The following CCDC148 variants were observed in gnomAD, a reference collection of about 807,000 sequenced individuals.
CCDC148 encodes the protein coiled-coil domain containing 148, also known as coiled-coil domain-containing protein 148.
Under a neutral mutation model 85.7 loss-of-function variants are expected in CCDC148, and 89 were observed. The observed-to-expected ratio is 1.04, with a 90% CI of 0.87 to 1.24. CCDC148 has a LOEUF of 1.24. Ranked by LOEUF, CCDC148 falls within the 50% of genes most tolerant of loss-of-function variation. The pLI is 0.00. For missense variants in CCDC148, 692 were observed against 671.7 expected (o/e 1.03, Z -0.33); for synonymous variants, 230 against 213.9 (o/e 1.08, Z -0.66).
At position 158,456,750 on chromosome 2, in the gene CCDC148, C is replaced by G; in HGVS notation, c.-311G>C. 2.7e-6 allele frequency: 1 copy of G among 363,778 alleles called. No homozygotes were observed. The highest frequency in any genetic ancestry group is 5.0e-6 in the Non-Finnish European group (1 of 199,002). The allele number at this position is 363,778 out of a possible 1,614,324, so 22.5% of individuals were successfully genotyped here. A position where few individuals can be genotyped will look rare whatever the true frequency, so the allele number is the denominator to read the frequency against. On this transcript the variant is annotated 5_prime_UTR_variant, in exon 1 of 14. Coordinates refer to ENST00000283233, the MANE Select transcript of CCDC148 (RefSeq NM_138803.4). ...CTCTCGCGCTGAACAGCATCGGTCT[C>G]TATGGCGACCTGAAACCGCAGCTCC...
chr2:158,286,393 A>G (rs753625188), intron 9 of CCDC148, among the ~76,000 whole-genome samples: 8 of 152,344 alleles, frequency 5.3e-5, no homozygotes, highest in African/African-American at 1.9e-4. Context: ...GTAAGTGAAA[A>G]TGTATACAAT....
intron 1 of CCDC148, among the ~76,000 whole-genome samples, chr2:158,358,788 C>A (rs925568718): frequency 6.6e-6 from 1 of 151,912 alleles, no homozygotes; most frequent in African/African-American, 2.4e-5. Context: ...AGCATTACTT[C>A]TGAAAGGGTA....
At chr2:158,236,468 T>C (rs1486627311) in intron 10 of CCDC148, among the ~76,000 whole-genome samples, 2 of 152,202 alleles carry the variant, frequency 1.3e-5, no homozygotes, top group Non-Finnish European at 2.9e-5. Context: ...TTGCCTGTAA[T>C]CCTGTTTAAT....
chr2:158,301,559 G>A (rs750845567), intron 9 of CCDC148, among the ~76,000 whole-genome samples: 1 of 152,208 alleles, frequency 6.6e-6, no homozygotes, highest in Non-Finnish European at 1.5e-5. Context: ...TCACGAGGAG[G>A]CTTAGTGGCC....
chr2:158,353,011 C>A, intron 2 of CCDC148, among the ~76,000 whole-genome samples: 1 of 151,398 alleles, frequency 6.6e-6, no homozygotes, highest in South Asian at 2.1e-4. Flanking sequence ...AAATACTTTA[C>A]AGACAAGCAA....
intron 1 of CCDC148, among the ~76,000 whole-genome samples, chr2:158,428,512 T>C (rs1400668463): frequency 2.6e-5 from 4 of 151,710 alleles, no homozygotes; most frequent in Non-Finnish European, 4.4e-5. Context: ...CTTAGAGATG[T>C]CAAAGCAGGC....
At chr2:158,383,696 T>C (rs536804220) in intron 1 of CCDC148, among the ~76,000 whole-genome samples, 1 of 152,168 alleles carries the variant, frequency 6.6e-6, no homozygotes, top group African/African-American at 2.4e-5. Flanking sequence ...AGGAAAACTG[T>C]TGCCCTGATT....
Position 158,339,038 on chromosome 2 carries a change from C to G in CCDC148, c.534G>C (p.Arg178Ser). The change falls in exon 6 of 14, where the codon AGG becomes AGC. Residue 178 changes from arginine to serine, a missense_variant. Coordinates refer to ENST00000283233, the MANE Select transcript of CCDC148 (RefSeq NM_138803.4). ...KQLKTVFERL[R>S]LEQQRIENDL... ...CATTTTCTATTCTCTGTTGCTCCAGCCTAAGTCTTTCAAAGACAGTTTTCA... is the reference window on the plus strand; with the variant it reads ...CATTTTCTATTCTCTGTTGCTCCAGGCTAAGTCTTTCAAAGACAGTTTTCA... 6.2e-7 allele frequency: 1 copy of G among 1,613,896 alleles called. No individual in the cohort carries two copies. The highest frequency in any genetic ancestry group is 8.5e-7 in the Non-Finnish European group (1 of 1,179,876).
In CCDC148 at chr2:158,415,942, T is replaced by C. The variant is rs192935056; in HGVS notation, c.25+40473A>G. On this transcript the variant is annotated intron_variant, in intron 1 of 13. Coordinates refer to ENST00000283233, the MANE Select transcript of CCDC148 (RefSeq NM_138803.4). ...ACACTGTCCTAGTGGAGGTTCTCCATGAGGGCTCTGCCCATTCAGCAGACT... is the reference window on the plus strand; with the variant it reads ...ACACTGTCCTAGTGGAGGTTCTCCACGAGGGCTCTGCCCATTCAGCAGACT... 1.4e-3 allele frequency among the ~76,000 whole-genome samples: 209 copies of C among 152,342 alleles called. 1 individual carries two copies. The highest frequency in any genetic ancestry group is 4.6e-3 in the African/African-American group (190 of 41,596).
intron 7 of CCDC148, among the ~76,000 whole-genome samples, chr2:158,326,971 G>A (rs1385273188): frequency 6.6e-6 from 1 of 151,882 alleles, no homozygotes; most frequent in African/African-American, 2.4e-5. Context: ...CTTACATATT[G>A]TTCCATGTCA....
chr2:158,333,782 G>C (rs978370081), intron 7 of CCDC148, among the ~76,000 whole-genome samples: 2 of 151,830 alleles, frequency 1.3e-5, no homozygotes, highest in Admixed American at 6.6e-5. Context: ...TCTTTCTTCT[G>C]TTCTGTGGAT....
At chr2:158,418,936 A>T (rs1686639350) in intron 1 of CCDC148, among the ~76,000 whole-genome samples, 1 of 152,200 alleles carries the variant, frequency 6.6e-6, no homozygotes, top group African/African-American at 2.4e-5. Context: ...AGAGTGAAAG[A>T]AAGTATAAAA....
chr2:158,310,092 T>A (rs1169599187), intron 8 of CCDC148, among the ~76,000 whole-genome samples: 2 of 152,196 alleles, frequency 1.3e-5, no homozygotes, highest in Non-Finnish European at 2.9e-5. Context: ...TGTTTGTGTC[T>A]CTGGGTACTT....
chr2:158,244,011 C>A (rs1688459507), intron 10 of CCDC148, among the ~76,000 whole-genome samples: 1 of 151,960 alleles, frequency 6.6e-6, no homozygotes, highest in Non-Finnish European at 1.5e-5. Context: ...AACAGTGATC[C>A]ATCCTAATTT....
At chr2:158,341,158 T>C (rs930626862) in intron 3 of CCDC148, among the ~76,000 whole-genome samples, 4 of 152,146 alleles carry the variant, frequency 2.6e-5, no homozygotes, top group African/African-American at 9.7e-5. Flanking sequence ...ATTTTTAATA[T>C]ACTAATAAGA....
intron 9 of CCDC148, among the ~76,000 whole-genome samples, chr2:158,308,413 C>A (rs1691800784): frequency 6.6e-6 from 1 of 152,216 alleles, no homozygotes; most frequent in Non-Finnish European, 1.5e-5. Flanking sequence ...CAGCTTGATG[C>A]AGCTTCTATT....
intron 2 of CCDC148, among the ~76,000 whole-genome samples, chr2:158,349,152 G>C (rs1181810555): frequency 6.6e-6 from 1 of 151,974 alleles, no homozygotes; most frequent in Non-Finnish European, 1.5e-5. Context: ...GTACAAATCA[G>C]ACAGGTAGCT....
chr2:158,402,680 G>A (rs1685835486), intron 1 of CCDC148, among the ~76,000 whole-genome samples: 1 of 151,996 alleles, frequency 6.6e-6, no homozygotes, highest in Admixed American at 6.6e-5. Context: ...GGAAATGAAG[G>A]ATTACAGTTG....
At chr2:158,283,559 A>G (rs1690449848) in intron 9 of CCDC148, among the ~76,000 whole-genome samples, 1 of 152,250 alleles carries the variant, frequency 6.6e-6, no homozygotes, top group South Asian at 2.1e-4. Context: ...AGAAATGCAA[A>G]TCAAAACTAC....
Sources: allele counts gnomAD v4.1 joint callset (sites outside exome capture counted in the v4.1 genomes callset), GRCh38; gene constraint gnomAD v4.1.1; transcripts MANE v1.5; gene names NCBI Gene and HGNC (gene_info 2026-07-23, HGNC 2026-07-21).